The following THRB variants were observed in gnomAD, a reference collection of about 807,000 sequenced individuals.
THRB encodes the protein nuclear receptor subfamily 1 group A member 2.
In THRB, 12 loss-of-function variants were observed where a neutral mutation model predicts 47.8. The ratio of observed to expected loss-of-function variants is 0.25; its 90% CI spans 0.16 to 0.41. The LOEUF (loss-of-function observed/expected upper bound fraction) is 0.41. Among genes scored for constraint, THRB ranks in the 10% least tolerant of loss-of-function variants. The pLI is 1.00. For synonymous variants in THRB, 218 were observed against 212.2 expected, an observed-to-expected ratio of 1.03 and a Z score of -0.24; for missense variants, 348 against 589.2, an observed-to-expected ratio of 0.59 and a Z score of 4.24.
At chr3:24,152,609 T>C (rs1575437963) in intron 5 of THRB, 119 bp from the exon 6 acceptor site, 1 of 699,340 alleles carries the variant, frequency 1.4e-6, no homozygotes, top group Middle Eastern at 3.8e-4. Context: ...GTAACAACAG[T>C]AAAGACTTAG....
chr3:24,127,365 C>T, intron 10 of THRB, 134 bp downstream of exon 10: 2 of 960,084 alleles, frequency 2.1e-6, no homozygotes, highest in East Asian at 2.6e-5. Context: ...ACTGGCAAAC[C>T]TGCAATTTCT....
intron 3 of THRB, among the ~76,000 whole-genome samples, chr3:24,260,077 C>A (rs1316843577): frequency 6.6e-6 from 1 of 152,186 alleles, no homozygotes; most frequent in African/African-American, 2.4e-5. Context: ...CCTAAGCAAC[C>A]ACTAATCTAC....
intron 1 of THRB, among the ~76,000 whole-genome samples, chr3:24,349,067 A>G (rs1244069763): frequency 6.6e-6 from 1 of 152,180 alleles, no homozygotes; most frequent in Non-Finnish European, 1.5e-5. Context: ...CTATATACCA[A>G]CGACAAACAT....
chr3:24,273,333 T>C (rs568248156), intron 3 of THRB, among the ~76,000 whole-genome samples: 36 of 152,306 alleles, frequency 2.4e-4, no homozygotes, highest in East Asian at 9.7e-4. Context: ...TAGATTTCCC[T>C]GCTTCATAGA....
At chr3:24,195,672 C>T (rs1217125493) in intron 4 of THRB, among the ~76,000 whole-genome samples, 4 of 152,192 alleles carry the variant, frequency 2.6e-5, no homozygotes, top group Admixed American at 2.0e-4. Flanking sequence ...CCCCACTGAG[C>T]CTCCCTCTGG....
At chr3:24,280,645 T>C (rs572567188) in intron 3 of THRB, among the ~76,000 whole-genome samples, 28 of 152,032 alleles carry the variant, frequency 1.8e-4, no homozygotes, top group African/African-American at 6.8e-4. Flanking sequence ...CTCCAAGCTA[T>C]GGGAGGACAT....
intron 8 of THRB, 76 bp from the exon 9 acceptor site, chr3:24,133,538 G>GA (rs933747100): frequency 1.5e-6 from 2 of 1,376,262 alleles, no homozygotes; most frequent in Admixed American, 3.5e-5. Flanking sequence ...TTATGTGGCA[G>GA]AAAATCTCTT....
At chr3:24,228,119 C>T (rs1227470003) in intron 4 of THRB, among the ~76,000 whole-genome samples, 1 of 152,092 alleles carries the variant, frequency 6.6e-6, no homozygotes, top group South Asian at 2.1e-4. Flanking sequence ...AGATGGCTTC[C>T]TTTTAGAGAG....
chr3:24,190,101 A>G lies in THRB; in HGVS notation c.256T>C (p.Phe86Leu). 1 of 1,614,044 alleles carries G rather than the reference A, an allele frequency of 6.2e-7. No homozygotes were observed. The highest frequency in any genetic ancestry group is 8.5e-7 in the Non-Finnish European group (1 of 1,179,914). Residue 86 changes from phenylalanine (F) to leucine (L), a missense_variant, in exon 5 of 11, where the codon TTC (phenylalanine) becomes CTC (leucine). Physicochemically the swap from Phe to Leu is conservative, Grantham distance 22. This residue lies in a region of THRB where 148 missense variants were observed against 122.3 expected (regional missense o/e 1.21). Coordinates refer to ENST00000646209, the MANE Select transcript of THRB (RefSeq NM_001354712.2). ...TTACATTTCTTCTCCTCCGTTTGGA[A>G]GGTCTGGGCACTTGAGACACTCTGG... Reference protein sequence around the residue: ...NDQSVSSAQTFQTEEKKCKGY... With the variant: ...NDQSVSSAQTLQTEEKKCKGY...
At chr3:24,278,425 C>G (rs77229004) in intron 3 of THRB, among the ~76,000 whole-genome samples, 4,998 of 152,230 alleles carry the variant, frequency 0.033, 111 homozygotes, top group Non-Finnish European at 0.052. Flanking sequence ...CTGCAAATGC[C>G]TGGCCCAAAA....
At chr3:24,446,231 C>T (rs1323969148) in intron 1 of THRB, among the ~76,000 whole-genome samples, 2 of 152,096 alleles carry the variant, frequency 1.3e-5, no homozygotes, top group Non-Finnish European at 2.9e-5. Flanking sequence ...AATTTTACTC[C>T]ATGATCTCAC....
chr3:24,421,429 G>A (rs1355318973), intron 1 of THRB, among the ~76,000 whole-genome samples: 2 of 151,652 alleles, frequency 1.3e-5, no homozygotes, highest in Non-Finnish European at 2.9e-5. Context: ...GGGCTCTGGT[G>A]TAGGTGAAAA....
chr3:24,282,866 C>T (rs1161108271), intron 3 of THRB, among the ~76,000 whole-genome samples: 2 of 150,472 alleles, frequency 1.3e-5, no homozygotes, highest in Admixed American at 1.3e-4. Flanking sequence ...ACACATACAC[C>T]CTCCCAAGAC....
At chr3:24,126,466 T>G (rs893360028) in intron 10 of THRB, among the ~76,000 whole-genome samples, 1 of 152,220 alleles carries the variant, frequency 6.6e-6, no homozygotes, top group Non-Finnish European at 1.5e-5. Context: ...GACCGATATT[T>G]TATCCACATA....
intron 3 of THRB, among the ~76,000 whole-genome samples, chr3:24,238,300 G>GTGTGTATGT (rs1559699334): frequency 2.3e-4 from 29 of 125,746 alleles, no homozygotes; most frequent in Non-Finnish European, 3.7e-4. Flanking sequence ...GGGTGTGTGG[G>GTGTGTATGT]GTGTGTGTGT....
chr3:24,128,371 C>T (rs2148842542), intron 9 of THRB, among the ~76,000 whole-genome samples: 2 of 152,266 alleles, frequency 1.3e-5, no homozygotes, highest in East Asian at 3.9e-4. Flanking sequence ...CTCCTGACTC[C>T]CAAGGTTGTG....
At chr3:24,176,748 A>G (rs2041206709) in intron 5 of THRB, among the ~76,000 whole-genome samples, 1 of 152,164 alleles carries the variant, frequency 6.6e-6, no homozygotes, top group African/African-American at 2.4e-5. Flanking sequence ...GAAAAGGCAA[A>G]TCTACAGGGA....
At position 24,127,822 on chromosome 3, in the gene THRB, A is replaced by T. The variant is rs2278802; in HGVS notation, c.886-65T>A. 235,816 of 1,550,432 alleles carry T rather than the reference A, an allele frequency of 0.15. 19,002 individuals are homozygous for T. The highest frequency in any genetic ancestry group is 0.22 in the South Asian group (19,608 of 89,430). ...AAAATGCCAGTCAGGAACAACATAC[A>T]GTATCTTAAAAGCAATAGGAATAAC... is the stretch of plus-strand genomic sequence containing the variant. On this transcript the variant is annotated intron_variant, in intron 9 of 10. Transcript: ENST00000646209.
intron 3 of THRB, among the ~76,000 whole-genome samples, chr3:24,259,479 G>C (rs1328530364): frequency 6.6e-6 from 1 of 152,116 alleles, no homozygotes; most frequent in East Asian, 1.9e-4. Flanking sequence ...GACGAGAGAG[G>C]AACACACCGC....
Sources: gnomAD v4.1 joint callset for allele counts (sites outside exome capture counted in the v4.1 genomes callset) on GRCh38, gnomAD v4.1.1 for gene constraint, gnomAD v4.1.1 regional missense constraint, MANE v1.5 for transcripts, NCBI Gene and HGNC (gene_info 2026-07-23, HGNC 2026-07-21) for gene names.